MTA3: variants seen among roughly 807,000 people sequenced by gnomAD.
The protein encoded by MTA3 is metastasis associated 1 family member 3.
In MTA3, 34 loss-of-function variants were observed where a neutral mutation model predicts 83.5. That is an observed-to-expected ratio of 0.41 (90% CI 0.31 to 0.54). MTA3 has a LOEUF of 0.54. MTA3 is among the 20% of genes least tolerant of loss of function. The pLI, the probability that MTA3 is intolerant of heterozygous loss-of-function variation, is 0.33. For missense variants in MTA3, 761 were observed against 726.4 expected (o/e 1.05, Z -0.55); for synonymous variants, 303 against 252.7 (o/e 1.20, Z -1.89).
intron 3 of MTA3, among the ~76,000 whole-genome samples, chr2:42,592,083 G>A (rs1040954492): frequency 6.6e-6 from 1 of 151,538 alleles, no homozygotes; most frequent in Non-Finnish European, 1.5e-5. Context: ...GGGCAACATG[G>A]TGAAACTCCG....
At chr2:42,535,363 G>A (rs1010762230) in intron 2 of MTA3, among the ~76,000 whole-genome samples, 6 of 152,038 alleles carry the variant, frequency 3.9e-5, no homozygotes, top group Non-Finnish European at 8.8e-5. Context: ...CTCCAGCCTG[G>A]GCAACAGAGC....
Position 42,709,165 on chromosome 2 carries a change from CT to C in MTA3, c.1525+79del, listed in dbSNP as rs752763597. On this transcript the variant is annotated intron_variant, in intron 14 of 16. Transcript: ENST00000405094. ...ACCATTTTCTCTTTTCCTCTCTTTC[CT>C]TTTTTTTTTGTTTGTTTGTTTGCAA... 2.5e-3 allele frequency: 3,127 copies of C among 1,229,032 alleles called. 1 individual carries two copies. Among genetic ancestry groups the C allele is most frequent in the Admixed American group, 7.1e-3 (231 of 32,738 alleles). The allele number at this position is 1,229,032 out of a possible 1,614,324, so 76.1% of individuals were successfully genotyped here. A position where few individuals can be genotyped will look rare whatever the true frequency, so the allele number is the denominator to read the frequency against.
chr2:42,569,711 G>C (rs1678255631), intron 1 of MTA3: 1 of 152,154 alleles, frequency 6.6e-6, no homozygotes, highest in African/African-American at 2.4e-5. Flanking sequence ...TTAGATGAGA[G>C]GAAAAGCCAC....
chr2:42,607,478 C>T (rs749290638), intron 3 of MTA3, among the ~76,000 whole-genome samples: 3 of 152,044 alleles, frequency 2.0e-5, no homozygotes, highest in Non-Finnish European at 4.4e-5. Flanking sequence ...CTCCTGGGCT[C>T]AAGCGATCCT....
chr2:42,513,914 C>T (rs1013008529), intron 2 of MTA3, among the ~76,000 whole-genome samples: 7 of 152,146 alleles, frequency 4.6e-5, no homozygotes, highest in African/African-American at 1.7e-4. Context: ...CATGAGAGCT[C>T]AAAGAATCCC....
intron 2 of MTA3, among the ~76,000 whole-genome samples, chr2:42,575,430 T>C (rs1300377254): frequency 6.6e-6 from 1 of 152,212 alleles, no homozygotes; most frequent in Non-Finnish European, 1.5e-5. Context: ...ATTTCTGAAA[T>C]GTCTGATGTT....
intron 16 of MTA3, among the ~76,000 whole-genome samples, chr2:42,733,625 C>T (rs2104567211): frequency 6.6e-6 from 1 of 152,324 alleles, no homozygotes; most frequent in East Asian, 1.9e-4. Flanking sequence ...ACCCACTGGT[C>T]ATTCAGGAGC....
At chr2:42,539,066 T>A (rs3933910) in intron 2 of MTA3, among the ~76,000 whole-genome samples, 1 of 151,758 alleles carries the variant, frequency 6.6e-6, no homozygotes, top group Non-Finnish European at 1.5e-5. Context: ...GAGCCACCGC[T>A]CCCGGCCTGA....
Position 42,676,430 on chromosome 2 carries a change from C to A in MTA3, c.703-5971C>A, listed in dbSNP as rs561859637. On this transcript the variant is annotated intron_variant, in intron 8 of 16. Transcript: ENST00000405094. Reference sequence around the variant, plus strand: ...GGTGTAGCATCAGCTGAGAAAAATGCACTTAATTCTGTGACTGGTTTCAGA... The same window carrying A: ...GGTGTAGCATCAGCTGAGAAAAATGAACTTAATTCTGTGACTGGTTTCAGA... Among the ~76,000 whole-genome samples the A allele has an allele frequency of 1.2e-4, 18 of 152,226 alleles. 1 individual carries two copies. The highest frequency in any genetic ancestry group is 9.8e-4 in the Admixed American group (15 of 15,288).
chr2:42,556,585 G>A (rs1228168858), intron 2 of MTA3, among the ~76,000 whole-genome samples: 1 of 152,106 alleles, frequency 6.6e-6, no homozygotes, highest in Non-Finnish European at 1.5e-5. Flanking sequence ...CCTCCCTCAA[G>A]TCTCCCAGCC....
chr2:42,623,750 G>A lies in MTA3; in HGVS notation c.317+14166G>A, dbSNP rs148345399. Among the ~76,000 whole-genome samples, 270 of 150,436 alleles carry A rather than the reference G, an allele frequency of 1.8e-3. 2 individuals carry two copies. The highest frequency in any genetic ancestry group is 6.3e-3 in the African/African-American group (257 of 40,830). ...GTCTGTCGCCCAGGCAGGAGCAGTG[G>A]CACAATCTCTGCTCACGGCAAACTC... On this transcript the variant is annotated intron_variant, in intron 4 of 16. Transcript: ENST00000405094.
intron 2 of MTA3, among the ~76,000 whole-genome samples, chr2:42,502,707 G>C (rs944902612): frequency 3.3e-5 from 5 of 149,464 alleles, no homozygotes; most frequent in Non-Finnish European, 5.9e-5. Flanking sequence ...TGAGGCAGGA[G>C]AATCACTTGA....
At chr2:42,733,092 C>T (rs867777995) in intron 16 of MTA3, among the ~76,000 whole-genome samples, 43 of 152,182 alleles carry the variant, frequency 2.8e-4, no homozygotes, top group African/African-American at 8.9e-4. Flanking sequence ...TCCACATTTT[C>T]GGGTATCTTT....
chr2:42,618,824 T>A (rs1052974535), intron 4 of MTA3, among the ~76,000 whole-genome samples: 3 of 152,114 alleles, frequency 2.0e-5, no homozygotes, highest in Admixed American at 1.3e-4. Context: ...TTGTCCAGGC[T>A]GGCCTCAAAC....
At chr2:42,601,891 G>C (rs1682623890) in intron 3 of MTA3, among the ~76,000 whole-genome samples, 1 of 151,928 alleles carries the variant, frequency 6.6e-6, no homozygotes, top group South Asian at 2.1e-4. Context: ...CCAGGTTGGA[G>C]TGCAGTGGGA....
intron 3 of MTA3, among the ~76,000 whole-genome samples, chr2:42,595,551 G>A: frequency 6.6e-6 from 1 of 152,278 alleles, no homozygotes; most frequent in African/African-American, 2.4e-5. Context: ...TCCAATAAAG[G>A]AAGTAAAGCA....
At chr2:42,737,114 T>A (rs1278680132) in intron 16 of MTA3, among the ~76,000 whole-genome samples, 1 of 152,136 alleles carries the variant, frequency 6.6e-6, no homozygotes, top group African/African-American at 2.4e-5. Flanking sequence ...GTGTAAGCAT[T>A]CCCTTAGCAG....
At chr2:42,668,195 G>T (rs550477515) in intron 8 of MTA3, among the ~76,000 whole-genome samples, 72 of 152,362 alleles carry the variant, frequency 4.7e-4, no homozygotes, top group African/African-American at 1.5e-3. Context: ...AGTAGAGGCA[G>T]TTGGGGGCTC....
intron 2 of MTA3, among the ~76,000 whole-genome samples, chr2:42,574,008 ATTAT>A (rs1398221502): frequency 1.4e-5 from 2 of 146,886 alleles, no homozygotes; most frequent in South Asian, 2.1e-4. Flanking sequence ...TTATTTATTT[ATTAT>A]TTATTAGTAG....
Sources: gnomAD v4.1 joint callset for allele counts (sites outside exome capture counted in the v4.1 genomes callset) on GRCh38, gnomAD v4.1.1 for gene constraint, MANE v1.5 for transcripts, NCBI Gene and HGNC (gene_info 2026-07-23, HGNC 2026-07-21) for gene names.